The following NEK6 variants were observed in gnomAD, a reference collection of about 807,000 sequenced individuals.
The protein encoded by NEK6 is serine/threonine-protein kinase Nek6.
NEK6 carries 27 observed loss-of-function variants against 43.5 expected under a neutral mutation model. The observed-to-expected ratio is 0.62, with a 90% CI of 0.46 to 0.86. The LOEUF (loss-of-function observed/expected upper bound fraction) is 0.86, where lower values mean the gene tolerates loss of function less well. NEK6 is among the 40% of genes least tolerant of loss of function. The pLI, the probability that NEK6 is intolerant of heterozygous loss-of-function variation, is 0.00. For missense variants in NEK6, 318 were observed against 414.4 expected (o/e 0.77, Z 2.02); for synonymous variants, 167 against 164.1 (o/e 1.02, Z -0.14).
chr9:124,312,462 C>G (rs751531965), intron 2 of NEK6, 47 bp from the exon 3 acceptor site: 15 of 1,589,996 alleles, frequency 9.4e-6, no homozygotes, highest in Middle Eastern at 1.7e-4. Flanking sequence ...CCCCAGGCCT[C>G]TGCTGCAGCC....
chr9:124,301,879 C>G, intron 1 of NEK6, 57 bp from the exon 2 acceptor site: 3 of 1,396,074 alleles, frequency 2.1e-6, no homozygotes, highest in Non-Finnish European at 3.0e-6. Flanking sequence ...GCGAAAGTCC[C>G]TCCTCCTTCT....
intron 7 of NEK6, among the ~76,000 whole-genome samples, chr9:124,338,270 C>T (rs1021775588): frequency 2.0e-5 from 3 of 152,144 alleles, no homozygotes; most frequent in Non-Finnish European, 4.4e-5. Flanking sequence ...CGTGAGCCAC[C>T]GTGCCATTCA....
At chr9:124,259,987 G>A (rs944337) in intron 1 of NEK6, among the ~76,000 whole-genome samples, 2 of 151,624 alleles carry the variant, frequency 1.3e-5, no homozygotes, top group East Asian at 1.9e-4. Context: ...TCCCTTTTGC[G>A]GAGCAGAAGG....
chr9:124,330,686 C>A (rs938898694), intron 7 of NEK6, among the ~76,000 whole-genome samples: 13 of 152,272 alleles, frequency 8.5e-5, no homozygotes, highest in African/African-American at 3.1e-4. Context: ...AGCAAACTGC[C>A]TGGCCCTGGG....
At chr9:124,289,188 CA>C in intron 1 of NEK6, among the ~76,000 whole-genome samples, 1 of 1,168 alleles carries the variant, frequency 8.6e-4, no homozygotes, top group Non-Finnish European at 1.5e-3. Context: ...CCCCCCCCGC[CA>C]CACACACACA....
intron 5 of NEK6, 113 bp downstream of exon 5, chr9:124,321,682 C>T: frequency 2.8e-6 from 2 of 703,334 alleles, no homozygotes; most frequent in South Asian, 1.7e-5. Context: ...GAGGCGGCCA[C>T]CCGGGGACCC....
At chr9:124,273,669 C>T (rs917770332) in intron 1 of NEK6, among the ~76,000 whole-genome samples, 2 of 152,178 alleles carry the variant, frequency 1.3e-5, no homozygotes, top group African/African-American at 4.8e-5. Flanking sequence ...TCTGCATTCA[C>T]GAAATGGTGA....
chr9:124,307,779 GC>G (rs1380422937), intron 2 of NEK6, among the ~76,000 whole-genome samples: 2 of 152,150 alleles, frequency 1.3e-5, no homozygotes, highest in Non-Finnish European at 2.9e-5. Flanking sequence ...TGACAAAGTC[GC>G]AAGGTTGTGT....
intron 2 of NEK6, among the ~76,000 whole-genome samples, chr9:124,304,935 A>G (rs931824674): frequency 3.9e-5 from 6 of 152,244 alleles, no homozygotes; most frequent in Admixed American, 3.3e-4. Flanking sequence ...AATTTTACCA[A>G]TGTGCTGCAG....
At chr9:124,340,389 A>C (rs1351591152) in intron 8 of NEK6, among the ~76,000 whole-genome samples, 2 of 152,172 alleles carry the variant, frequency 1.3e-5, no homozygotes, top group Non-Finnish European at 2.9e-5. Context: ...AGGGAGGCCT[A>C]AGTTCTCCGG....
intron 1 of NEK6, among the ~76,000 whole-genome samples, chr9:124,284,931 C>T (rs1278532084): frequency 6.6e-6 from 1 of 152,200 alleles, no homozygotes; most frequent in Non-Finnish European, 1.5e-5. Context: ...GGCAGGAATG[C>T]CCACCTCATG....
intron 7 of NEK6, among the ~76,000 whole-genome samples, chr9:124,334,197 A>G (rs2131003446): frequency 6.6e-6 from 1 of 152,292 alleles, no homozygotes; most frequent in South Asian, 2.1e-4. Context: ...GTCAAGGCTC[A>G]GTTAATCTTA....
At chr9:124,270,758 C>T (rs866021095) in intron 1 of NEK6, among the ~76,000 whole-genome samples, 4 of 152,202 alleles carry the variant, frequency 2.6e-5, no homozygotes, top group Admixed American at 1.3e-4. Context: ...GCTGAATACC[C>T]GTCCTGGGGA....
intron 7 of NEK6, among the ~76,000 whole-genome samples, chr9:124,329,360 AAAG>A (rs1222988711): frequency 2.6e-5 from 4 of 152,202 alleles, no homozygotes; most frequent in Non-Finnish European, 5.9e-5. Context: ...ACTGCAGAAA[AAAG>A]ACTGTGGCGC....
At chr9:124,309,959 G>A (rs1309403238) in intron 2 of NEK6, among the ~76,000 whole-genome samples, 1 of 152,214 alleles carries the variant, frequency 6.6e-6, no homozygotes, top group African/African-American at 2.4e-5. Flanking sequence ...TTTTGAAGAG[G>A]CCGGTGGCGG....
chr9:124,329,516 A>G (rs1828854399), intron 7 of NEK6, among the ~76,000 whole-genome samples: 1 of 152,262 alleles, frequency 6.6e-6, no homozygotes, highest in Non-Finnish European at 1.5e-5. Flanking sequence ...CGCCCTCATA[A>G]GCCGGGCTCT....
At chr9:124,260,108 C>T (rs927156211) in intron 1 of NEK6, among the ~76,000 whole-genome samples, 1 of 152,132 alleles carries the variant, frequency 6.6e-6, no homozygotes, top group Non-Finnish European at 1.5e-5. Context: ...GGGGGTCAAG[C>T]CTGTGTCCTG....
chr9:124,349,553 A>G (rs1830138931), intron 9 of NEK6, among the ~76,000 whole-genome samples: 1 of 152,150 alleles, frequency 6.6e-6, no homozygotes, highest in African/African-American at 2.4e-5. Flanking sequence ...CCCCCAGCAC[A>G]CCCTATTTTA....
At position 124,353,201 on chromosome 9, in the gene NEK6, A is replaced by AAAACC. The variant is rs1830343341; in HGVS notation, c.*2265_*2269dup. The stretch of plus-strand genomic sequence containing the variant: ...TGTGCTGCACTTATCACCCCATTTC[A>AAAACC]AAACCAAACCAAACCTGAGGCCACC... On this transcript the variant is annotated 3_prime_UTR_variant, in exon 10 of 10. Transcript: ENST00000320246. 3 of 206,710 alleles carry AAAACC rather than the reference A, an allele frequency of 1.5e-5. No homozygotes were observed. The South Asian group carries it at 2.9e-4, about 20-fold the overall frequency. The allele number at this position is 206,710 out of a possible 1,614,324, so 12.8% of individuals were successfully genotyped here. A position where few individuals can be genotyped will look rare whatever the true frequency, so the allele number is the denominator to read the frequency against.
Sources: gnomAD v4.1 joint callset for allele counts (sites outside exome capture counted in the v4.1 genomes callset) on GRCh38, gnomAD v4.1.1 for gene constraint, MANE v1.5 for transcripts, NCBI Gene and HGNC (gene_info 2026-07-23, HGNC 2026-07-21) for gene names.